NEMF: variants seen among roughly 807,000 people sequenced by gnomAD.
NEMF encodes nuclear export mediator factor, also known as ribosome quality control complex subunit NEMF.
NEMF carries 89 observed loss-of-function variants against 162.2 expected under a neutral mutation model. That is an observed-to-expected ratio of 0.55 (90% CI 0.46 to 0.65). NEMF has a LOEUF of 0.65. Ranked by LOEUF, NEMF falls within the 30% of genes least tolerant of loss-of-function variation. The pLI, the probability that NEMF is intolerant of heterozygous loss-of-function variation, is 0.00. For missense variants in NEMF, 1,133 were observed against 1,261.9 expected, an observed-to-expected ratio of 0.90 and a Z score of 1.55; for synonymous variants, 421 against 404.5, an observed-to-expected ratio of 1.04 and a Z score of -0.49.
At chr14:49,821,794 C>T (rs893701397) in intron 16 of NEMF, among the ~76,000 whole-genome samples, 3 of 151,792 alleles carry the variant, frequency 2.0e-5, no homozygotes, top group Non-Finnish European at 4.4e-5. Context: ...AGCCACCACC[C>T]CGTCTGGGAG....
intron 16 of NEMF, among the ~76,000 whole-genome samples, chr14:49,818,700 A>C (rs977861602): frequency 1.3e-5 from 2 of 152,164 alleles, no homozygotes; most frequent in African/African-American, 4.8e-5. Flanking sequence ...TATAATCAGG[A>C]GTAATATATG....
At chr14:49,788,687 T>G (rs1295504558) in intron 28 of NEMF, among the ~76,000 whole-genome samples, 1 of 151,902 alleles carries the variant, frequency 6.6e-6, no homozygotes, top group African/African-American at 2.4e-5. Context: ...CCCAAGTAGC[T>G]GAGACTACAG....
intron 19 of NEMF, among the ~76,000 whole-genome samples, chr14:49,803,773 C>T (rs1388618185): frequency 6.6e-6 from 1 of 151,978 alleles, no homozygotes; most frequent in East Asian, 1.9e-4. Flanking sequence ...ATCCGCCTGC[C>T]TCGGCCTCCC....
At chr14:49,846,029 T>C in intron 4 of NEMF, 111 bp downstream of exon 4, 1 of 842,560 alleles carries the variant, frequency 1.2e-6, no homozygotes. Context: ...CCTAGGGTAG[T>C]AACAACCTTT....
intron 16 of NEMF, among the ~76,000 whole-genome samples, chr14:49,821,740 TCTGCCCGGCCGCCC>T (rs1892069292): frequency 6.7e-6 from 1 of 149,886 alleles, no homozygotes; most frequent in Non-Finnish European, 1.5e-5. Flanking sequence ...GAGGGGCGCC[TCTGCCCGGCCGCCC>T]CTACTGGGAA....
chr14:49,840,323 G>A (rs1020768592), intron 5 of NEMF, among the ~76,000 whole-genome samples: 4 of 152,200 alleles, frequency 2.6e-5, no homozygotes, highest in Middle Eastern at 6.8e-3. Context: ...TTAGCTGGGC[G>A]TGGTGGCGCA....
intron 4 of NEMF, among the ~76,000 whole-genome samples, chr14:49,844,314 C>T (rs1034629677): frequency 2.0e-5 from 3 of 152,092 alleles, no homozygotes; most frequent in Non-Finnish European, 2.9e-5. Flanking sequence ...ATAGGGTTCA[C>T]GCTCCTATAA....
chr14:49,811,707 T>C (rs3126190), intron 18 of NEMF, among the ~76,000 whole-genome samples: 117,250 of 152,100 alleles, frequency 0.77, 45,779 homozygotes, highest in East Asian at 0.98. Flanking sequence ...ATAATCCATG[T>C]GTGTTTTTTG....
chr14:49,792,277 A>G (rs1217871201), intron 26 of NEMF, among the ~76,000 whole-genome samples: 1 of 152,178 alleles, frequency 6.6e-6, no homozygotes, highest in African/African-American at 2.4e-5. Context: ...AGTGCAGTGC[A>G]TGACCTTGGC....
chr14:49,803,097 A>C, intron 20 of NEMF, 140 bp downstream of exon 20: 1 of 649,816 alleles, frequency 1.5e-6, no homozygotes, highest in South Asian at 2.2e-5. Flanking sequence ...CCAAGGCAAA[A>C]ATTTCTTTAC....
rs933998829 is a variant in NEMF, at chr14:49,784,544, T to G, written c.*92A>C. Reference sequence around the variant, plus strand: ...GGCAATGTTTAGTTCATTTTTATAATGCGGAAATCCTGATACATGGTGCTT... The same window carrying G: ...GGCAATGTTTAGTTCATTTTTATAAGGCGGAAATCCTGATACATGGTGCTT... On this transcript the variant is annotated 3_prime_UTR_variant, in exon 33 of 33. Transcript: ENST00000298310. 2.4e-6 allele frequency: 2 copies of G among 844,502 alleles called. No homozygotes were observed. The highest frequency in any genetic ancestry group is 5.6e-4 in the Middle Eastern group (2 of 3,548). The allele number at this position is 844,502 out of a possible 1,614,324, so 52.3% of individuals were successfully genotyped here. A position where few individuals can be genotyped will look rare whatever the true frequency, so the allele number is the denominator to read the frequency against.
chr14:49,805,973 C>T, intron 19 of NEMF, 48 bp downstream of exon 19: 2 of 1,349,250 alleles, frequency 1.5e-6, no homozygotes, highest in East Asian at 2.4e-5. Context: ...AAATTTGGCA[C>T]ACAGTAGCTC....
chr14:49,792,141 TAA>T (rs760568756), intron 26 of NEMF, among the ~76,000 whole-genome samples: 4 of 138,022 alleles, frequency 2.9e-5, no homozygotes, highest in Non-Finnish European at 3.2e-5. Context: ...AGACCCAGTC[TAA>T]AAAAAAAAAA....
chr14:49,798,234 A>G (rs867548228), intron 25 of NEMF, among the ~76,000 whole-genome samples: 12 of 152,370 alleles, frequency 7.9e-5, no homozygotes, highest in African/African-American at 2.2e-4. Context: ...ATGTAGTATG[A>G]AAGTGTTTAA....
At chr14:49,824,946 G>A (rs749408229) in intron 16 of NEMF, among the ~76,000 whole-genome samples, 11 of 152,246 alleles carry the variant, frequency 7.2e-5, no homozygotes, top group Non-Finnish European at 1.5e-4. Context: ...AATTAAGTAA[G>A]TCAAAAAGCT....
intron 16 of NEMF, 151 bp from the exon 17 acceptor site, chr14:49,815,008 T>G: frequency 1.7e-6 from 1 of 576,940 alleles, no homozygotes; most frequent in Non-Finnish European, 3.0e-6. Flanking sequence ...TAAAAACCTA[T>G]AATACAAATT....
intron 18 of NEMF, among the ~76,000 whole-genome samples, chr14:49,810,825 T>C (rs1187534011): frequency 6.6e-6 from 1 of 152,148 alleles, no homozygotes; most frequent in East Asian, 1.9e-4. Context: ...ACCTCATCTC[T>C]ACAAAAAACA....
Position 49,799,460 on chromosome 14 carries a change from C to T in NEMF, c.2465+15G>A, listed in dbSNP as rs377458913. On this transcript the variant is annotated intron_variant, in intron 25 of 32. Coordinates refer to ENST00000298310, the MANE Select transcript of NEMF (RefSeq NM_004713.6). ...AAAAACATGCTTTTTAGTTAATTAA[C>T]ACAGATGTGTTTACCTTCTTTCCTT... 36 of 1,594,764 alleles carry T rather than the reference C, an allele frequency of 2.3e-5. No individual in the cohort carries two copies. Among genetic ancestry groups the T allele is most frequent in the Non-Finnish European group, 3.0e-5 (35 of 1,172,786 alleles).
intron 26 of NEMF, among the ~76,000 whole-genome samples, chr14:49,794,619 TAAAAAAAA>T (rs397852715): frequency 1.1e-5 from 1 of 90,366 alleles, no homozygotes; most frequent in Non-Finnish European, 2.2e-5. Flanking sequence ...ACCCTGTCTC[TAAAAAAAA>T]AAAAAAAAAA....
Sources: gnomAD v4.1 joint callset for allele counts (sites outside exome capture counted in the v4.1 genomes callset) on GRCh38, gnomAD v4.1.1 for gene constraint, MANE v1.5 for transcripts, NCBI Gene and HGNC (gene_info 2026-07-23, HGNC 2026-07-21) for gene names.